Variants in MAML3 observed in about 807,000 individuals in gnomAD.
MAML3 encodes mastermind-like protein 3.
In MAML3, 27 loss-of-function variants were observed where a neutral mutation model predicts 101.9. The ratio of observed to expected loss-of-function variants is 0.27; its 90% CI spans 0.20 to 0.37. MAML3 has a LOEUF of 0.37. MAML3 is among the 10% of genes least tolerant of loss of function. The probability of loss-of-function intolerance (pLI) is 1.00; values close to 1 mark genes in which losing one functional copy is unlikely to be tolerated. For synonymous variants in MAML3, 501 were observed against 555.9 expected (o/e 0.90, Z 1.39); for missense variants, 1,316 against 1,444.9 (o/e 0.91, Z 1.45).
rs115739545 is a variant in MAML3 at position 139,916,898 on chromosome 4, T to C, written c.469-25931A>G. Among the ~76,000 whole-genome samples the C allele has an allele frequency of 4.3e-3, 662 of 152,344 alleles. 4 individuals carry two copies. Among genetic ancestry groups the C allele is most frequent in the African/African-American group, 0.015 (627 of 41,584 alleles). On this transcript the variant is annotated intron_variant, in intron 1 of 4. Transcript: ENST00000509479. ...CAGGGATTTTCAAGTGGGCGTTCTT[T>C]AACCTCCCGTACAATACCATAATAA... is the stretch of plus-strand genomic sequence containing the variant.
intron 1 of MAML3, among the ~76,000 whole-genome samples, chr4:140,082,320 T>C (rs1181930099): frequency 6.6e-6 from 1 of 152,118 alleles, no homozygotes; most frequent in East Asian, 1.9e-4. Flanking sequence ...GTGAAATTCT[T>C]CTCGTTTTCC....
At chr4:139,875,664 AG>A (rs1732102227) in intron 2 of MAML3, among the ~76,000 whole-genome samples, 1 of 152,070 alleles carries the variant, frequency 6.6e-6, no homozygotes, top group African/African-American at 2.4e-5. Context: ...TGTTGACTAC[AG>A]GGTGTCATGA....
chr4:140,082,585 C>A (rs1255943538), intron 1 of MAML3, among the ~76,000 whole-genome samples: 1 of 152,132 alleles, frequency 6.6e-6, no homozygotes, highest in Non-Finnish European at 1.5e-5. Flanking sequence ...ATGGCCTTTG[C>A]AGTCCCCAGC....
At chr4:140,136,472 T>TTATCTG (rs1728884325) in intron 1 of MAML3, among the ~76,000 whole-genome samples, 1 of 152,192 alleles carries the variant, frequency 6.6e-6, no homozygotes, top group African/African-American at 2.4e-5. Context: ...TGGAGCCGTG[T>TTATCTG]TTATCTCAGA....
At chr4:139,829,819 T>G (rs938057269) in intron 2 of MAML3, among the ~76,000 whole-genome samples, 4 of 152,246 alleles carry the variant, frequency 2.6e-5, no homozygotes, top group African/African-American at 9.6e-5. Context: ...AAGTCTGTAT[T>G]GGTCAAATGA....
chr4:139,794,816 G>A (rs149064964), intron 2 of MAML3, among the ~76,000 whole-genome samples: 2 of 152,322 alleles, frequency 1.3e-5, no homozygotes, highest in African/African-American at 4.8e-5. Context: ...CCTCTGTGGA[G>A]CTGGCCAAGA....
intron 1 of MAML3, among the ~76,000 whole-genome samples, chr4:140,051,420 G>T (rs543066680): frequency 6.6e-6 from 1 of 152,050 alleles, no homozygotes; most frequent in African/African-American, 2.4e-5. Flanking sequence ...AGCCAGGCGT[G>T]GTGGTACATG....
Position 139,718,980 on chromosome 4 carries a change from C to T in MAML3, c.*343G>A. 1 of 244,504 alleles carries T rather than the reference C, an allele frequency of 4.1e-6. No homozygotes were observed. Among genetic ancestry groups the T allele is most frequent in the Non-Finnish European group, 7.9e-6 (1 of 126,448 alleles). 15.1% of individuals were successfully genotyped at this position (244,504 alleles called of 1,614,324 possible). On this transcript the variant is annotated 3_prime_UTR_variant, in exon 5 of 5. Transcript: ENST00000509479. ...AGGATACCTCTCTTGGGTAATAGTC[C>T]CTCTCGGCTGAAGCAGCTCCTGCTG...
intron 2 of MAML3, among the ~76,000 whole-genome samples, chr4:139,865,646 C>G (rs544544128): frequency 2.6e-5 from 4 of 152,156 alleles, no homozygotes; most frequent in Admixed American, 6.5e-5. Flanking sequence ...CCTCTTCCCC[C>G]CAAAATGAAC....
chr4:139,800,862 T>C (rs1730591153), intron 2 of MAML3, among the ~76,000 whole-genome samples: 1 of 152,264 alleles, frequency 6.6e-6, no homozygotes, highest in South Asian at 2.1e-4. Context: ...GAGACAAGGC[T>C]GGCAAATTGT....
chr4:140,084,882 CT>C (rs1226264525), intron 1 of MAML3, among the ~76,000 whole-genome samples: 1 of 152,032 alleles, frequency 6.6e-6, no homozygotes, highest in Admixed American at 6.6e-5. Context: ...AAAATACTAC[CT>C]TTTTTTCCCC....
chr4:140,043,849 T>C (rs1292126899), intron 1 of MAML3, among the ~76,000 whole-genome samples: 1 of 152,210 alleles, frequency 6.6e-6, no homozygotes, highest in African/African-American at 2.4e-5. Context: ...AATCAGCGAA[T>C]ATAAATTCAT....
At chr4:140,123,596 G>T (rs893430624) in intron 1 of MAML3, among the ~76,000 whole-genome samples, 1 of 151,882 alleles carries the variant, frequency 6.6e-6, no homozygotes, top group Non-Finnish European at 1.5e-5. Context: ...ATGTCATTTC[G>T]AGCCACAGAA....
chr4:139,870,723 C>T (rs1322412057), intron 2 of MAML3, among the ~76,000 whole-genome samples: 1 of 152,164 alleles, frequency 6.6e-6, no homozygotes, highest in Non-Finnish European at 1.5e-5. Context: ...CTAACTGTAC[C>T]CTCGACCTCC....
intron 1 of MAML3, among the ~76,000 whole-genome samples, chr4:140,124,058 T>C (rs1460339640): frequency 1.3e-5 from 2 of 152,228 alleles, no homozygotes; most frequent in Admixed American, 6.5e-5. Flanking sequence ...TCCAAACATA[T>C]ATCAGTAACC....
intron 2 of MAML3, among the ~76,000 whole-genome samples, chr4:139,801,043 C>A (rs1730594804): frequency 6.6e-6 from 1 of 152,202 alleles, no homozygotes. Flanking sequence ...ATTGGACTGA[C>A]AGATCCAGTT....
intron 1 of MAML3, among the ~76,000 whole-genome samples, chr4:139,986,137 T>A (rs1734534379): frequency 6.6e-6 from 1 of 152,244 alleles, no homozygotes; most frequent in Non-Finnish European, 1.5e-5. Context: ...TTGTTTCCTA[T>A]GGACTGATAA....
In MAML3 at chr4:139,719,765, G is replaced by C. The variant is rs371775002; in HGVS notation, c.2975C>G (p.Ala992Gly). 6.2e-7 allele frequency: 1 copy of C among 1,613,600 alleles called. No homozygotes were observed. The highest frequency in any genetic ancestry group is 1.3e-5 in the African/African-American group (1 of 74,956). ...CTGCTTGGTCAGTCTCGGCTGCCCA[G>C]CTTGAAGAGGGTAGCTGGCGCCATT... The part of the protein sequence containing the change: ...FNNGASYPLQ[A>G]GQPRLTKQHF... Residue 992 changes from alanine to glycine, a missense_variant, in exon 5 of 5, where the codon GCT becomes GGT. Transcript: ENST00000509479.
chr4:139,990,995 C>T (rs957389244), intron 1 of MAML3, among the ~76,000 whole-genome samples: 1 of 152,188 alleles, frequency 6.6e-6, no homozygotes, highest in African/African-American at 2.4e-5. Context: ...TTTACAGATT[C>T]AATGCCATCC....
Sources: gnomAD v4.1 joint callset for allele counts (sites outside exome capture counted in the v4.1 genomes callset) on GRCh38, gnomAD v4.1.1 for gene constraint, MANE v1.5 for transcripts, NCBI Gene and HGNC (gene_info 2026-07-23, HGNC 2026-07-21) for gene names.